Variants in STAG2 observed in about 807,000 individuals in gnomAD.
STAG2 encodes the protein STAG2 cohesin complex component.
A neutral mutation model predicts 108.1 loss-of-function variants in STAG2; 14 were observed. The ratio of observed to expected loss-of-function variants is 0.13; its 90% CI spans 0.09 to 0.20. The LOEUF (loss-of-function observed/expected upper bound fraction) is 0.20, where lower values mean the gene tolerates loss of function less well. Ranked by LOEUF, STAG2 falls within the 10% of genes least tolerant of loss-of-function variation. STAG2 has a pLI of 1.00. For missense variants in STAG2, 440 were observed against 940.9 expected, an observed-to-expected ratio of 0.47 and a Z score of 6.96; for synonymous variants, 307 against 302.7, an observed-to-expected ratio of 1.01 and a Z score of -0.15.
chrX:124,027,638 T>C (rs1191589963), intron 4 of STAG2, among the ~76,000 whole-genome samples: 1 of 111,680 alleles, frequency 9.0e-6, no homozygotes, highest in Non-Finnish European at 1.9e-5. Context: ...GCAACTGCAT[T>C]TTGAGACTAT....
At chrX:124,007,670 C>T (rs1428083016) in intron 1 of STAG2, among the ~76,000 whole-genome samples, 1 of 112,286 alleles carries the variant, frequency 8.9e-6, no homozygotes, top group Non-Finnish European at 1.9e-5. Context: ...TCTTGTTAAT[C>T]CTCTCAGTAT....
At position 124,102,187 on chromosome X, in the gene STAG2, G is replaced by T. The variant is rs1197435871; in HGVS notation, c.*1590G>T. On this transcript the variant is annotated 3_prime_UTR_variant, in exon 35 of 35. Coordinates refer to ENST00000371145, the MANE Select transcript of STAG2 (RefSeq NM_001042750.2). ...CAAATGAATCCAGACTTGTCTAACA[G>T]ATTTTCCATCAACAAATATTGTTAT... is the stretch of plus-strand genomic sequence containing the variant. 1 of 158,091 alleles carries T rather than the reference G, an allele frequency of 6.3e-6. No homozygotes were observed. The highest frequency in any genetic ancestry group is 1.2e-5 in the Non-Finnish European group (1 of 81,016). 13.0% of individuals were successfully genotyped at this position (158,091 alleles called of 1,213,427 possible).
At chrX:124,039,007 G>A (rs1190342566) in intron 6 of STAG2, among the ~76,000 whole-genome samples, 1 of 110,131 alleles carries the variant, frequency 9.1e-6, no homozygotes, top group Non-Finnish European at 1.9e-5. Context: ...TGCTTGTTGT[G>A]TCATATAATC....
rs755347757 is a variant in STAG2 at position 124,086,760 on chromosome X, G to A, written c.3267G>A (p.Gln1089=). 2.5e-6 allele frequency: 3 copies of A among 1,188,310 alleles called. No individual in the cohort carries two copies. Among genetic ancestry groups the A allele is most frequent in the East Asian group, 5.9e-5 (2 of 33,653 alleles). The change falls in exon 30 of 35, where the codon CAG becomes CAA. Residue 1089 remains glutamine, a synonymous_variant. Coordinates refer to ENST00000371145, the MANE Select transcript of STAG2 (RefSeq NM_001042750.2). ...AACGGAAAGTGGTTGAGGGCATGCA[G>A]CTTTCACTCAGTAAGGATATAATTT... ...TGKRKVVEGM[Q]LSLTEESSSS...
intron 1 of STAG2, among the ~76,000 whole-genome samples, chrX:124,017,710 A>G (rs768601776): frequency 1.8e-5 from 2 of 111,470 alleles, no homozygotes; most frequent in Non-Finnish European, 1.9e-5. Context: ...TTAATGTGCT[A>G]TAGTAATAGG....
At chrX:124,000,813 T>C (rs761646326) in intron 1 of STAG2, among the ~76,000 whole-genome samples, 1 of 112,021 alleles carries the variant, frequency 8.9e-6, no homozygotes, top group Non-Finnish European at 1.9e-5. Context: ...TAGGACAAGA[T>C]GTAGAAGTGT....
Position 123,968,128 on chromosome X carries a change from T to G in STAG2, c.-163+6272T>G, listed in dbSNP as rs1442336212. On this transcript the variant is annotated intron_variant, in intron 1 of 34. Transcript: ENST00000371145. ...ATTGGTCAGGCTGGTCTCAAACGCC[T>G]GACCTCGTGATCCGCCTGCCTCAGC... Among the ~76,000 whole-genome samples, 13 of 111,205 alleles carry G rather than the reference T, an allele frequency of 1.2e-4. 1 individual carries two copies. The highest frequency in any genetic ancestry group is 2.3e-4 in the Non-Finnish European group (12 of 52,928).
At chrX:124,095,627 T>A in intron 34 of STAG2, 178 bp downstream of exon 34, 1 of 425,838 alleles carries the variant, frequency 2.3e-6, no homozygotes, top group Non-Finnish European at 4.1e-6. Context: ...GCAATAGTGT[T>A]GACAGATTAG....
chrX:123,973,774 G>A (rs978569800), intron 1 of STAG2, among the ~76,000 whole-genome samples: 1 of 108,096 alleles, frequency 9.3e-6, no homozygotes, highest in African/African-American at 3.4e-5. Flanking sequence ...AACCTGGGAG[G>A]TGGAGGTTGC....
intron 1 of STAG2, among the ~76,000 whole-genome samples, chrX:123,974,868 C>T (rs1198388830): frequency 9.0e-6 from 1 of 111,708 alleles, no homozygotes; most frequent in African/African-American, 3.3e-5. Context: ...TGAGCCACCA[C>T]ACCCGGCCTA....
chrX:124,036,655 G>A (rs1438096456), intron 5 of STAG2, among the ~76,000 whole-genome samples: 1 of 111,347 alleles, frequency 9.0e-6, no homozygotes, highest in African/African-American at 3.3e-5. Context: ...TGGGATTACA[G>A]GCGTGAGCTA....
intron 1 of STAG2, among the ~76,000 whole-genome samples, chrX:123,966,007 T>C (rs968097892): frequency 9.2e-6 from 1 of 108,797 alleles, no homozygotes; most frequent in Non-Finnish European, 1.9e-5. Flanking sequence ...CAAAAAAAAA[T>C]TAAAAATAAA....
At chrX:124,081,278 C>G in intron 27 of STAG2, 102 bp from the exon 28 acceptor site, 1 of 544,204 alleles carries the variant, frequency 1.8e-6, no homozygotes. Flanking sequence ...TACAGTGCCT[C>G]ATTTATTGAA....
At chrX:124,003,772 C>G (rs776653062) in intron 1 of STAG2, 4 of 111,482 alleles carry the variant, frequency 3.6e-5, no homozygotes, top group African/African-American at 1.3e-4. Flanking sequence ...TAATTTTTTC[C>G]TTTAGTTACC....
At chrX:124,030,886 C>A in intron 4 of STAG2, 75 bp from the exon 5 acceptor site, 1 of 1,040,632 alleles carries the variant, frequency 9.6e-7, no homozygotes, top group Non-Finnish European at 1.3e-6. Context: ...ACCCTATCAG[C>A]TACTTCTACT....
At chrX:124,018,727 CT>C (rs1346435016) in intron 1 of STAG2, among the ~76,000 whole-genome samples, 14 of 110,932 alleles carry the variant, frequency 1.3e-4, no homozygotes, top group Non-Finnish European at 2.5e-4. Flanking sequence ...TCTCGAACTC[CT>C]GGGTTTAAGC....
intron 27 of STAG2, among the ~76,000 whole-genome samples, chrX:124,079,692 A>G (rs1264720524): frequency 1.8e-5 from 2 of 112,582 alleles, no homozygotes; most frequent in African/African-American, 6.4e-5. Context: ...CTTTTGCTAT[A>G]AAGTAATAGC....
intron 1 of STAG2, among the ~76,000 whole-genome samples, chrX:123,971,873 C>G (rs775578757): frequency 8.9e-6 from 1 of 111,974 alleles, no homozygotes; most frequent in East Asian, 2.8e-4. Context: ...GAAAAAGGTC[C>G]AGTTTAGAGA....
chrX:123,967,256 ATTT>A (rs1177101640), intron 1 of STAG2, among the ~76,000 whole-genome samples: 1,482 of 50,082 alleles, frequency 0.03, 37 homozygotes, highest in African/African-American at 0.12. Flanking sequence ...TCAATGGTGT[ATTT>A]TTTTTTTTTT....
Sources: gnomAD v4.1 joint callset for allele counts (sites outside exome capture counted in the v4.1 genomes callset) on GRCh38, gnomAD v4.1.1 for gene constraint, MANE v1.5 for transcripts, NCBI Gene and HGNC (gene_info 2026-07-23, HGNC 2026-07-21) for gene names.